The following NDUFAF6 variants were observed in gnomAD, a reference collection of about 807,000 sequenced individuals.
The protein encoded by NDUFAF6 is NADH:ubiquinone oxidoreductase complex assembly factor 6.
NDUFAF6 carries 45 observed loss-of-function variants against 40.8 expected under a neutral mutation model. That is an observed-to-expected ratio of 1.10 (90% CI 0.87 to 1.42). The LOEUF is 1.42. Ranked by LOEUF, NDUFAF6 falls within the 40% of genes most tolerant of loss-of-function variation. NDUFAF6 has a pLI of 0.00. For missense variants in NDUFAF6, 435 were observed against 418.5 expected (o/e 1.04, Z -0.34); for synonymous variants, 185 against 155.9 (o/e 1.19, Z -1.39).
rs188652712 is a variant in NDUFAF6 at position 94,990,702 on chromosome 8, G to A, written c.-84+9729G>A. ...TGGAAATTTCCATTTAGAAAATAAA[G>A]CTGGCTTAAGAAAGGATTTCCTCAT... On this transcript the variant is annotated intron_variant, in intron 2 of 9. Coordinates refer to the NDUFAF6 transcript ENST00000396111. 1.9e-4 allele frequency among the ~76,000 whole-genome samples: 29 copies of A among 152,316 alleles called. 1 individual carries two copies. In the East Asian group the frequency reaches 5.4e-3, roughly 28 times the overall value.
At chr8:95,072,289 C>T (rs1213268564) in intron 9 of NDUFAF6, among the ~76,000 whole-genome samples, 3 of 152,178 alleles carry the variant, frequency 2.0e-5, no homozygotes, top group Non-Finnish European at 4.4e-5. Flanking sequence ...CCCCTAAGAA[C>T]CTGACTATCC....
At chr8:94,948,931 C>T (rs939932799) in intron 2 of NDUFAF6, among the ~76,000 whole-genome samples, 2 of 151,256 alleles carry the variant, frequency 1.3e-5, no homozygotes, top group African/African-American at 2.4e-5. Flanking sequence ...TCTGTCCGCG[C>T]CCTGGGCCCC....
chr8:94,989,123 A>G (rs1826077005), intron 2 of NDUFAF6: 1 of 152,202 alleles, frequency 6.6e-6, no homozygotes, highest in Non-Finnish European at 1.5e-5. Context: ...ATTTTAAATG[A>G]GTGAATTGTA....
intron 1 of NDUFAF6, among the ~76,000 whole-genome samples, chr8:95,100,890 C>T (rs1001270914): frequency 1.3e-5 from 2 of 152,132 alleles, no homozygotes; most frequent in East Asian, 1.9e-4. Flanking sequence ...TCTTCCCTCC[C>T]GACCCCCCTC....
chr8:95,095,990 A>G (rs1465211833), upstream of NDUFAF6, among the ~76,000 whole-genome samples: 1 of 152,176 alleles, frequency 6.6e-6, no homozygotes, highest in East Asian at 1.9e-4. Flanking sequence ...GAAGTTTAAA[A>G]TGAATATTTC....
chr8:95,117,905 A>G (rs1267827861), downstream of NDUFAF6, among the ~76,000 whole-genome samples: 1 of 152,178 alleles, frequency 6.6e-6, no homozygotes, highest in South Asian at 2.1e-4. Flanking sequence ...ATTGATTTCC[A>G]TGTGTTCAAA....
At chr8:94,917,126 AAAG>A (rs1819193332) in intron 1 of NDUFAF6, among the ~76,000 whole-genome samples, 1 of 151,748 alleles carries the variant, frequency 6.6e-6, no homozygotes, top group African/African-American at 2.4e-5. Context: ...AAAAAAAAAA[AAAG>A]AAAGAAAAAA....
chr8:94,976,856 A>T (rs536858029), intron 1 of NDUFAF6, among the ~76,000 whole-genome samples: 11 of 152,314 alleles, frequency 7.2e-5, no homozygotes, highest in Admixed American at 1.3e-4. Flanking sequence ...CATACAATTA[A>T]AAATGGTTCA....
At chr8:95,049,209 C>T (rs1465681888) in intron 7 of NDUFAF6, among the ~76,000 whole-genome samples, 1 of 152,052 alleles carries the variant, frequency 6.6e-6, no homozygotes, top group East Asian at 1.9e-4. Context: ...TTTTCCTGAA[C>T]TCTTCTTCTT....
intron 1 of NDUFAF6, chr8:94,941,040 G>T: frequency 1.3e-6 from 1 of 784,564 alleles, no homozygotes; most frequent in Non-Finnish European, 2.1e-6. Flanking sequence ...GGAGATTAAA[G>T]TGCACAGGGT....
chr8:95,041,928 A>G (rs1157428712), intron 4 of NDUFAF6, among the ~76,000 whole-genome samples: 2 of 152,126 alleles, frequency 1.3e-5, no homozygotes, highest in Non-Finnish European at 2.9e-5. Flanking sequence ...TGTGTAGAGT[A>G]TCTGGTGACA....
At chr8:95,029,779 A>G (rs1372607123) in intron 1 of NDUFAF6, among the ~76,000 whole-genome samples, 1 of 152,208 alleles carries the variant, frequency 6.6e-6, no homozygotes, top group Admixed American at 6.5e-5. Flanking sequence ...GGAATATCAC[A>G]GAAGGGACAC....
chr8:94,943,393 G>A (rs190970518), intron 1 of NDUFAF6, among the ~76,000 whole-genome samples: 2 of 152,298 alleles, frequency 1.3e-5, no homozygotes, highest in African/African-American at 2.4e-5. Flanking sequence ...GGAGGCTGAC[G>A]TGGGAGGATC....
chr8:95,093,631 G>T (rs1423864741), intron 2 of NDUFAF6, among the ~76,000 whole-genome samples: 1 of 152,116 alleles, frequency 6.6e-6, no homozygotes, highest in East Asian at 1.9e-4. Flanking sequence ...TTGTAACAAA[G>T]TAACAAAGGC....
At chr8:94,909,639 A>AT (rs1291173735) in intron 1 of NDUFAF6, among the ~76,000 whole-genome samples, 41 of 151,540 alleles carry the variant, frequency 2.7e-4, no homozygotes, top group African/African-American at 9.4e-4. Context: ...ACAAAAAAAA[A>AT]TTTTTTTCAA....
chr8:95,039,261 A>G (rs1466695492), intron 3 of NDUFAF6, among the ~76,000 whole-genome samples: 1 of 151,574 alleles, frequency 6.6e-6, no homozygotes, highest in African/African-American at 2.4e-5. Flanking sequence ...GAGACCATCC[A>G]AGCCAACATG....
At chr8:95,036,164 A>G in intron 3 of NDUFAF6, 1 of 529,836 alleles carries the variant, frequency 1.9e-6, no homozygotes, top group Non-Finnish European at 2.8e-6. Flanking sequence ...TATACCATAA[A>G]TGGTTTTATA....
intron 2 of NDUFAF6, among the ~76,000 whole-genome samples, chr8:95,089,441 T>C (rs1809176320): frequency 7.4e-6 from 1 of 135,634 alleles, no homozygotes; most frequent in African/African-American, 2.9e-5. Context: ...AAGAAATATA[T>C]ATACATAGTG....
chr8:94,994,872 G>T (rs147589602), intron 2 of NDUFAF6, among the ~76,000 whole-genome samples: 1 of 152,120 alleles, frequency 6.6e-6, no homozygotes, highest in South Asian at 2.1e-4. Context: ...AAAAACACAC[G>T]ATGGACCCTT....
Sources: allele counts gnomAD v4.1 joint callset (sites outside exome capture counted in the v4.1 genomes callset), GRCh38; gene constraint gnomAD v4.1.1; transcripts MANE v1.5; gene names NCBI Gene and HGNC (gene_info 2026-07-23, HGNC 2026-07-21).